CDH6: variants seen among roughly 807,000 people sequenced by gnomAD.
CDH6 encodes cadherin-6.
In CDH6, 31 loss-of-function variants were observed where a neutral mutation model predicts 78.0. That is an observed-to-expected ratio of 0.40 (90% CI 0.30 to 0.54). The LOEUF (loss-of-function observed/expected upper bound fraction) is 0.54, where lower values mean the gene tolerates loss of function less well. CDH6 is among the 20% of genes least tolerant of loss of function. The pLI, the probability that CDH6 is intolerant of heterozygous loss-of-function variation, is 0.56. For synonymous variants in CDH6, 376 were observed against 368.8 expected, an observed-to-expected ratio of 1.02 and a Z score of -0.23; for missense variants, 724 against 975.9, an observed-to-expected ratio of 0.74 and a Z score of 3.44.
At chr5:31,249,940 T>A (rs1741864349) in intron 1 of CDH6, 1 of 152,364 alleles carries the variant, frequency 6.6e-6, no homozygotes, top group East Asian at 1.9e-4. Context: ...CAAGGCTAGT[T>A]TGAACAGAAC....
intron 1 of CDH6, among the ~76,000 whole-genome samples, chr5:31,253,690 A>G (rs1443127167): frequency 6.6e-6 from 1 of 152,192 alleles, no homozygotes; most frequent in Non-Finnish European, 1.5e-5. Context: ...GCATATATAT[A>G]TTCAATCAAT....
At chr5:31,227,130 C>A (rs894234028) in intron 1 of CDH6, among the ~76,000 whole-genome samples, 10 of 152,120 alleles carry the variant, frequency 6.6e-5, no homozygotes, top group Non-Finnish European at 1.5e-4. Flanking sequence ...CTAGCTGATG[C>A]TCGGAAAGAA....
chr5:31,277,337 C>T (rs189787223), intron 2 of CDH6, among the ~76,000 whole-genome samples: 5 of 152,214 alleles, frequency 3.3e-5, no homozygotes, highest in Non-Finnish European at 7.4e-5. Flanking sequence ...ATCCGGTTAA[C>T]TCTTGTTTGT....
chr5:31,307,641 C>T (rs895417197), intron 7 of CDH6, among the ~76,000 whole-genome samples: 2 of 152,196 alleles, frequency 1.3e-5, no homozygotes, highest in African/African-American at 4.8e-5. Context: ...CAACTACTCT[C>T]TCTTGGAGTT....
chr5:31,227,613 C>G (rs183918149), intron 1 of CDH6, among the ~76,000 whole-genome samples: 1 of 152,258 alleles, frequency 6.6e-6, no homozygotes, highest in East Asian at 1.9e-4. Context: ...TAAAACCTCA[C>G]AGATCAAGGC....
chr5:31,210,846 A>G (rs10461895), intron 1 of CDH6, among the ~76,000 whole-genome samples: 9,547 of 151,898 alleles, frequency 0.063, 620 homozygotes, highest in East Asian at 0.38. Flanking sequence ...TTGATCCATG[A>G]TTGGTGGAAT....
intron 6 of CDH6, among the ~76,000 whole-genome samples, chr5:31,302,792 GAGAGAGAGAAAGAAAGAAAGAA>G (rs1300462711): frequency 6.8e-5 from 4 of 58,616 alleles, no homozygotes; most frequent in Admixed American, 5.5e-4. Context: ...GAGAGAGAGA[GAGAGAGAGAAAGAAAGAAAGAA>G]AGAAAGAAAG....
At chr5:31,270,924 CA>C (rs905256941) in intron 2 of CDH6, among the ~76,000 whole-genome samples, 1 of 152,068 alleles carries the variant, frequency 6.6e-6, no homozygotes, top group Admixed American at 6.6e-5. Context: ...TGCCTCAGTG[CA>C]TACTCTGGGA....
intron 8 of CDH6, among the ~76,000 whole-genome samples, chr5:31,314,543 T>C (rs1738251805): frequency 6.6e-6 from 1 of 151,910 alleles, no homozygotes; most frequent in South Asian, 2.1e-4. Flanking sequence ...TAGTAACCAA[T>C]ATGGGCAAAA....
intron 6 of CDH6, among the ~76,000 whole-genome samples, chr5:31,302,949 A>G (rs1737860243): frequency 7.6e-6 from 1 of 131,568 alleles, no homozygotes. Context: ...GAAAGAAAGA[A>G]AGAAAGAAGG....
chr5:31,308,455 TAGC>T (rs1384346612), intron 7 of CDH6, among the ~76,000 whole-genome samples: 1 of 148,420 alleles, frequency 6.7e-6, no homozygotes, highest in Non-Finnish European at 1.5e-5. Flanking sequence ...AAGAGCTACC[TAGC>T]AGAAGGATCT....
intron 1 of CDH6, among the ~76,000 whole-genome samples, chr5:31,266,252 T>A (rs1742350758): frequency 1.3e-5 from 2 of 152,162 alleles, no homozygotes; most frequent in Admixed American, 6.5e-5. Context: ...AGGATTTTTT[T>A]AATGGTAGAT....
At chr5:31,213,189 T>C (rs1222145525) in intron 1 of CDH6, among the ~76,000 whole-genome samples, 1 of 152,126 alleles carries the variant, frequency 6.6e-6, no homozygotes, top group Admixed American at 6.5e-5. Context: ...TATCTGTAGA[T>C]AATAGGATGG....
At chr5:31,210,755 A>G (rs1740682235) in intron 1 of CDH6, among the ~76,000 whole-genome samples, 1 of 152,156 alleles carries the variant, frequency 6.6e-6, no homozygotes, top group South Asian at 2.1e-4. Flanking sequence ...TATCAATGCA[A>G]TGTAAATAGT....
intron 1 of CDH6, among the ~76,000 whole-genome samples, chr5:31,238,200 A>C (rs528967460): frequency 6.6e-6 from 1 of 152,174 alleles, no homozygotes; most frequent in Non-Finnish European, 1.5e-5. Flanking sequence ...TTAGTCTGGT[A>C]TGTAATTGTC....
At chr5:31,318,793 A>T in intron 11 of CDH6, 1 of 225,462 alleles carries the variant, frequency 4.4e-6, no homozygotes, top group East Asian at 6.4e-5. Context: ...TACAGGGGGA[A>T]ATACTCTTTT....
At chr5:31,269,163 A>G (rs990360095) in intron 2 of CDH6, among the ~76,000 whole-genome samples, 3 of 151,908 alleles carry the variant, frequency 2.0e-5, no homozygotes, top group African/African-American at 7.2e-5. Context: ...TAGAAGATTA[A>G]GTTTTAAAAA....
intron 6 of CDH6, among the ~76,000 whole-genome samples, chr5:31,302,903 A>AAAGAAAGAAAGAAAG (rs1554010012): frequency 5.5e-5 from 5 of 90,458 alleles, no homozygotes; most frequent in East Asian, 3.9e-4. Context: ...AAGAAAGAAA[A>AAAGAAAGAAAGAAAG]AAAGAAAGAA....
At chr5:31,237,759 G>A (rs759007530) in intron 1 of CDH6, among the ~76,000 whole-genome samples, 27 of 151,598 alleles carry the variant, frequency 1.8e-4, no homozygotes, top group African/African-American at 5.8e-4. Flanking sequence ...TTTTTTTTCC[G>A]GGAGACAAAG....
Sources: allele counts gnomAD v4.1 joint callset (sites outside exome capture counted in the v4.1 genomes callset), GRCh38; gene constraint gnomAD v4.1.1; transcripts MANE v1.5; gene names NCBI Gene and HGNC (gene_info 2026-07-23, HGNC 2026-07-21).